Variants in DPP3 observed in about 807,000 individuals in gnomAD.
DPP3 encodes dipeptidyl peptidase 3, also known as DPP III.
A neutral mutation model predicts 89.8 loss-of-function variants in DPP3; 64 were observed. That is an observed-to-expected ratio of 0.71 (90% CI 0.58 to 0.88). DPP3 has a LOEUF of 0.88. DPP3 is among the 40% of genes least tolerant of loss of function. DPP3 has a pLI of 0.00. For missense variants in DPP3, 835 were observed against 972.5 expected, an observed-to-expected ratio of 0.86 and a Z score of 1.88; for synonymous variants, 377 against 404.3, an observed-to-expected ratio of 0.93 and a Z score of 0.81.
chr11:66,487,963 G>A lies in DPP3; in HGVS notation c.623G>A (p.Gly208Glu), dbSNP rs1855279074. 3.1e-6 allele frequency: 5 copies of A among 1,614,106 alleles called. No homozygotes were observed. Among genetic ancestry groups the A allele is most frequent in the Non-Finnish European group, 4.2e-6 (5 of 1,179,984 alleles). ...CTCTTCAAAGAGGTCGATGGAGAAGGGAAGCCCTACTACGAGGTGCGGCTG... is the reference window on the plus strand; with the variant it reads ...CTCTTCAAAGAGGTCGATGGAGAAGAGAAGCCCTACTACGAGGTGCGGCTG... Reference protein sequence around the residue: ...TRLFKEVDGEGKPYYEVRLAS... With the variant: ...TRLFKEVDGEEKPYYEVRLAS... Residue 208 changes from glycine to glutamate, a missense_variant, in exon 6 of 18, where the codon GGG (glycine) becomes GAG (glutamate). By Grantham distance (98) the Gly-to-Glu change is moderately conservative. Transcript: ENST00000531863.
intron 15 of DPP3, 126 bp from the exon 16 acceptor site, chr11:66,497,172 A>C (rs1729105524): frequency 2.6e-6 from 3 of 1,171,224 alleles, no homozygotes; most frequent in South Asian, 3.0e-5. Flanking sequence ...TGACAATAAC[A>C]GTTGCCAGTT....
chr11:66,508,348 A>T (rs1019845880), intron 17 of DPP3, among the ~76,000 whole-genome samples: 14 of 152,108 alleles, frequency 9.2e-5, no homozygotes, highest in African/African-American at 3.1e-4. Context: ...TCGATGTGTG[A>T]CTATGTCATC....
At chr11:66,494,980 G>A (rs1257244497) in intron 12 of DPP3, among the ~76,000 whole-genome samples, 2 of 152,186 alleles carry the variant, frequency 1.3e-5, no homozygotes, top group East Asian at 3.9e-4. Flanking sequence ...GTGTGGTGGG[G>A]TAGGCAGCTC....
intron 15 of DPP3, among the ~76,000 whole-genome samples, chr11:66,496,699 C>T (rs933093612): frequency 2.6e-5 from 4 of 152,056 alleles, no homozygotes; most frequent in African/African-American, 9.7e-5. Flanking sequence ...CAGGTGTGAG[C>T]CACCGCATCC....
rs1855430117 is a variant in DPP3, at chr11:66,492,860, T to C, written c.1133T>C (p.Val378Ala). 3.7e-6 allele frequency: 6 copies of C among 1,614,034 alleles called. No homozygotes were observed. The highest frequency in any genetic ancestry group is 5.1e-6 in the Non-Finnish European group (6 of 1,179,986). ...FLTPDFTSLD[V>A]LTFAGSGIPA... is the part of the protein sequence containing the mutation. ...ACCCCTGACTTCACCTCCCTGGATG[T>C]TCTCACCTTCGCTGGCTCCGGCATC... Residue 378 changes from valine to alanine, a missense_variant, in exon 10 of 18, where the codon GTT (valine) becomes GCT (alanine). Physicochemically the swap from Val to Ala is moderately conservative, Grantham distance 64. Coordinates refer to ENST00000531863, the MANE Select transcript of DPP3 (RefSeq NM_130443.4).
Position 66,493,608 on chromosome 11 carries a change from A to C in DPP3, c.1364A>C (p.His455Pro). The C allele has an allele frequency of 6.2e-7, 1 of 1,612,836 alleles. No individual in the cohort carries two copies. The highest frequency in any genetic ancestry group is 8.5e-7 in the Non-Finnish European group (1 of 1,179,814). Residue 455 changes from histidine to proline, a missense_variant, in exon 12 of 18, where the codon CAT (histidine) becomes CCT (proline). Coordinates refer to ENST00000531863, the MANE Select transcript of DPP3 (RefSeq NM_130443.4). ...GTGGGCCTGCACGAGCTGCTGGGCC[A>C]TGGCAGTGGCAAGCTCTTCGTACAG... Reference protein sequence around the residue: ...VQVGLHELLGHGSGKLFVQDE... With the variant: ...VQVGLHELLGPGSGKLFVQDE...
At position 66,482,405 on chromosome 11, in the gene DPP3, G is replaced by T; in HGVS notation, c.205G>T (p.Ala69Ser). The change falls in exon 2 of 18, where the codon GCC becomes TCC. Residue 69 changes from alanine to serine, a missense_variant. Ala to Ser is a moderately conservative substitution (Grantham distance 99). Coordinates refer to ENST00000531863, the MANE Select transcript of DPP3 (RefSeq NM_130443.4). The stretch of plus-strand genomic sequence containing the variant: ...TGCTCTGCTCAGCCGCCTCTTCCGC[G>T]CCCAGGACCCCGACCAGCTGCGCCA... ...IYALLSRLFR[A>S]QDPDQLRQHA... 1.2e-6 allele frequency: 2 copies of T among 1,610,494 alleles called. No homozygotes were observed. The highest frequency in any genetic ancestry group is 1.7e-6 in the Non-Finnish European group (2 of 1,180,022).
At chr11:66,480,788 G>T (rs1044387573) in intron 1 of DPP3, 11 of 297,242 alleles carry the variant, frequency 3.7e-5, no homozygotes, top group African/African-American at 1.9e-4. Context: ...GGGGCTGTCA[G>T]ACCTTCAGTA....
chr11:66,504,512 G>C, intron 16 of DPP3, 100 bp from the exon 17 acceptor site: 1 of 1,346,740 alleles, frequency 7.4e-7, no homozygotes, highest in East Asian at 2.6e-5. Context: ...CCATAGCACA[G>C]ACTGTCCAGG....
At position 66,487,298 on chromosome 11, in the gene DPP3, A is replaced by G. The variant is rs758674085; in HGVS notation, c.529A>G (p.Thr177Ala). 1.9e-6 allele frequency: 3 copies of G among 1,613,994 alleles called. No individual in the cohort carries two copies. The highest frequency in any genetic ancestry group is 8.5e-7 in the Non-Finnish European group (1 of 1,179,938). Reference protein sequence around the residue: ...GITTYFSGNCTMEDAKLAQDF... With the variant: ...GITTYFSGNCAMEDAKLAQDF... ...CACCACCTATTTCTCTGGGAATTGTACCATGGAAGATGCCAAATTGGCCCA... is the reference window on the plus strand; with the variant it reads ...CACCACCTATTTCTCTGGGAATTGTGCCATGGAAGATGCCAAATTGGCCCA... The change falls in exon 5 of 18, where the codon ACC (threonine) becomes GCC (alanine). Residue 177 changes from threonine (T) to alanine (A), a missense_variant. By Grantham distance (58) the Thr-to-Ala change is moderately conservative. Transcript: ENST00000531863.
chr11:66,489,861 C>T (rs948065177), intron 6 of DPP3, among the ~76,000 whole-genome samples: 2 of 152,140 alleles, frequency 1.3e-5, no homozygotes, highest in Admixed American at 6.5e-5. Flanking sequence ...TCCTATTGTT[C>T]GTGGTAGCTG....
At chr11:66,487,639 C>T (rs970358990) in intron 5 of DPP3, among the ~76,000 whole-genome samples, 24 of 152,284 alleles carry the variant, frequency 1.6e-4, no homozygotes, top group African/African-American at 4.8e-4. Context: ...GTGGTACCCA[C>T]CTCCAGTAGC....
chr11:66,500,085 C>T (rs530560140), intron 16 of DPP3, among the ~76,000 whole-genome samples: 3 of 151,942 alleles, frequency 2.0e-5, no homozygotes, highest in African/African-American at 7.2e-5. Flanking sequence ...CGAGCACAGT[C>T]GCTCACACCT....
At chr11:66,489,087 ACTC>A (rs1174926236) in intron 6 of DPP3, among the ~76,000 whole-genome samples, 1 of 151,956 alleles carries the variant, frequency 6.6e-6, no homozygotes, top group African/African-American at 2.4e-5. Flanking sequence ...CTGGTCCTGA[ACTC>A]CTGACCTCAG....
At chr11:66,482,121 A>G in intron 1 of DPP3, 72 bp from the exon 2 acceptor site, 2 of 1,567,520 alleles carry the variant, frequency 1.3e-6, no homozygotes, top group East Asian at 2.3e-5. Context: ...AAATGAGATC[A>G]TAAGAGTTCA....
At chr11:66,495,100 C>T (rs542205153) in intron 12 of DPP3, 106 bp from the exon 13 acceptor site, 20 of 1,537,404 alleles carry the variant, frequency 1.3e-5, no homozygotes, top group Middle Eastern at 2.3e-4. Context: ...CCCGCTCCTG[C>T]GCTCCCGCTT....
chr11:66,490,771 T>TTTTC (rs1565269126), intron 6 of DPP3, among the ~76,000 whole-genome samples: 1 of 140,882 alleles, frequency 7.1e-6, no homozygotes, highest in East Asian at 2.1e-4. Context: ...TTTTTTGTTT[T>TTTTC]GTTTTTTTTT....
intron 16 of DPP3, among the ~76,000 whole-genome samples, chr11:66,504,117 T>C (rs1855744462): frequency 6.6e-6 from 1 of 151,964 alleles, no homozygotes; most frequent in Non-Finnish European, 1.5e-5. Context: ...CTGTTTTCCT[T>C]TTTCTTTCTT....
At chr11:66,490,272 A>G (rs1345135328) in intron 6 of DPP3, among the ~76,000 whole-genome samples, 2 of 152,206 alleles carry the variant, frequency 1.3e-5, no homozygotes, top group African/African-American at 4.8e-5. Flanking sequence ...CAAGGAAAAT[A>G]CAGTAGTGTG....
Sources: gnomAD v4.1 joint callset for allele counts (sites outside exome capture counted in the v4.1 genomes callset) on GRCh38, gnomAD v4.1.1 for gene constraint, MANE v1.5 for transcripts, NCBI Gene and HGNC (gene_info 2026-07-23, HGNC 2026-07-21) for gene names.